Variants in ARHGEF28 observed in about 807,000 individuals in gnomAD.
ARHGEF28 encodes 190 kDa guanine nucleotide exchange factor.
In ARHGEF28, 152 loss-of-function variants were observed where a neutral mutation model predicts 206.6. That is an observed-to-expected ratio of 0.74 (90% confidence interval 0.64 to 0.84). The LOEUF is 0.84. ARHGEF28 is among the 40% of genes least tolerant of loss of function. The pLI, the probability that ARHGEF28 is intolerant of heterozygous loss-of-function variation, is 0.00. For missense variants in ARHGEF28, 2,028 were observed against 2,073.2 expected (o/e 0.98, Z 0.42); for synonymous variants, 763 against 776.4 (o/e 0.98, Z 0.29).
At chr5:73,629,817 G>A (rs1481317943) in intron 1 of ARHGEF28, among the ~76,000 whole-genome samples, 1 of 152,138 alleles carries the variant, frequency 6.6e-6, no homozygotes, top group Non-Finnish European at 1.5e-5. Context: ...ATTTTCAGAG[G>A]TGTTTTCTCT....
At chr5:73,895,621 A>G (rs2112694017) in intron 29 of ARHGEF28, among the ~76,000 whole-genome samples, 1 of 152,334 alleles carries the variant, frequency 6.6e-6, no homozygotes, top group South Asian at 2.1e-4. Flanking sequence ...GCTGTTGTAC[A>G]GAAGAAGGGC....
intron 2 of ARHGEF28, among the ~76,000 whole-genome samples, chr5:73,741,775 A>T (rs1167257794): frequency 1.3e-5 from 2 of 152,094 alleles, no homozygotes; most frequent in African/African-American, 2.4e-5. Context: ...AATAATGGGT[A>T]TCTTTTACAA....
At chr5:73,880,136 C>T (rs1217806916) in intron 22 of ARHGEF28, among the ~76,000 whole-genome samples, 14 of 152,188 alleles carry the variant, frequency 9.2e-5, no homozygotes, top group African/African-American at 2.2e-4. Context: ...CAATGGCGGG[C>T]GCCCCTCCCC....
chr5:73,676,677 TATC>T (rs1746712833), intron 1 of ARHGEF28, among the ~76,000 whole-genome samples: 1 of 152,242 alleles, frequency 6.6e-6, no homozygotes, highest in African/African-American at 2.4e-5. Context: ...ACCTTTGTCT[TATC>T]ATGATTTTCT....
intron 31 of ARHGEF28, 136 bp downstream of exon 31, chr5:73,901,420 T>C (rs1391480883): frequency 6.3e-6 from 4 of 638,022 alleles, no homozygotes; most frequent in Non-Finnish European, 1.1e-5. Flanking sequence ...TAAATATTCA[T>C]ATTTAAACTT....
intron 35 of ARHGEF28, among the ~76,000 whole-genome samples, chr5:73,931,303 T>C (rs1414639560): frequency 6.6e-6 from 1 of 152,170 alleles, no homozygotes; most frequent in Non-Finnish European, 1.5e-5. Flanking sequence ...CTTATCTGAA[T>C]TTTATCACAT....
At chr5:73,936,584 C>T (rs1342686084) in intron 35 of ARHGEF28, among the ~76,000 whole-genome samples, 1 of 152,134 alleles carries the variant, frequency 6.6e-6, no homozygotes, top group Non-Finnish European at 1.5e-5. Flanking sequence ...GTGTAAGAGG[C>T]CTTAATGATG....
intron 35 of ARHGEF28, among the ~76,000 whole-genome samples, chr5:73,928,921 T>C (rs73762551): frequency 0.065 from 9,942 of 152,256 alleles, 647 homozygotes; most frequent in African/African-American, 0.17. Context: ...GAAAAAGTTC[T>C]GACTTCTTTT....
Position 73,894,483 on chromosome 5 carries a change from A to T in ARHGEF28, c.3749A>T (p.Glu1250Val), listed in dbSNP as rs1174612394. The T allele has an allele frequency of 6.2e-7, 1 of 1,613,972 alleles. No individual in the cohort carries two copies. The change falls in exon 29 of 36, where the codon GAG becomes GTG. Residue 1250 changes from glutamate (E) to valine (V), a missense_variant. This residue lies in a region of ARHGEF28 where 803 missense variants were observed against 768.0 expected (regional missense o/e 1.05). Transcript: ENST00000513042. Reference protein sequence around the residue: ...YAELGELSGFEDVHLEPHLLI... With the variant: ...YAELGELSGFVDVHLEPHLLI... ...GAACTTGGAGAACTGAGCGGATTTGAGGACGTCCATCTAGAGCCCCACCTC... is the reference window on the plus strand; with the variant it reads ...GAACTTGGAGAACTGAGCGGATTTGTGGACGTCCATCTAGAGCCCCACCTC...
chr5:73,927,642 A>G (rs976130912), intron 35 of ARHGEF28, among the ~76,000 whole-genome samples: 3 of 152,182 alleles, frequency 2.0e-5, no homozygotes, highest in Non-Finnish European at 4.4e-5. Context: ...TATAGGCACG[A>G]GCCACAACAT....
At chr5:73,792,584 C>T (rs1047993335) in intron 7 of ARHGEF28, among the ~76,000 whole-genome samples, 7 of 151,224 alleles carry the variant, frequency 4.6e-5, no homozygotes, top group Non-Finnish European at 7.4e-5. Flanking sequence ...AAGGGTGTGA[C>T]TCTTGATGTC....
chr5:73,640,801 A>G (rs781195612), intron 1 of ARHGEF28, among the ~76,000 whole-genome samples: 1 of 152,238 alleles, frequency 6.6e-6, no homozygotes, highest in Non-Finnish European at 1.5e-5. Flanking sequence ...AAAAGTTTAA[A>G]TGATATTTAA....
intron 2 of ARHGEF28, among the ~76,000 whole-genome samples, chr5:73,693,858 C>T (rs1285148797): frequency 6.6e-6 from 1 of 151,622 alleles, no homozygotes; most frequent in Non-Finnish European, 1.5e-5. Flanking sequence ...GCTTTTATCT[C>T]TTTGCCTTGT....
intron 26 of ARHGEF28, among the ~76,000 whole-genome samples, chr5:73,888,224 G>T (rs960233440): frequency 3.9e-5 from 6 of 152,212 alleles, no homozygotes; most frequent in Admixed American, 3.3e-4. Context: ...GATGCCTAAT[G>T]TTGACAGAAG....
intron 35 of ARHGEF28, among the ~76,000 whole-genome samples, chr5:73,916,159 T>C (rs1170444365): frequency 6.6e-6 from 1 of 152,088 alleles, no homozygotes; most frequent in Non-Finnish European, 1.5e-5. Flanking sequence ...ATGCCATACT[T>C]AGTATTTAAA....
intron 2 of ARHGEF28, among the ~76,000 whole-genome samples, chr5:73,745,203 T>A (rs1406703577): frequency 1.3e-5 from 2 of 151,980 alleles, no homozygotes; most frequent in African/African-American, 4.8e-5. Context: ...ACAGATGCAT[T>A]GTTTATAATG....
chr5:73,925,456 A>G (rs1026116047), intron 35 of ARHGEF28, among the ~76,000 whole-genome samples: 8 of 152,232 alleles, frequency 5.3e-5, no homozygotes, highest in Admixed American at 6.5e-5. Context: ...GTGCTTCCAC[A>G]GTATTTTCTC....
At chr5:73,882,214 C>A (rs1287493038) in intron 22 of ARHGEF28, among the ~76,000 whole-genome samples, 1 of 151,962 alleles carries the variant, frequency 6.6e-6, no homozygotes, top group Non-Finnish European at 1.5e-5. Context: ...TAAAATAGAT[C>A]AAATGTTTTT....
intron 7 of ARHGEF28, among the ~76,000 whole-genome samples, chr5:73,781,285 C>T (rs1342119046): frequency 6.6e-6 from 1 of 152,162 alleles, no homozygotes. Flanking sequence ...CAGCTGTTTA[C>T]AGTCCTGATG....
Sources: gnomAD v4.1 joint callset for allele counts (sites outside exome capture counted in the v4.1 genomes callset) on GRCh38, gnomAD v4.1.1 for gene constraint, gnomAD v4.1.1 regional missense constraint, MANE v1.5 for transcripts, NCBI Gene and HGNC (gene_info 2026-07-23, HGNC 2026-07-21) for gene names.